Variants in PIGU observed in about 807,000 individuals in gnomAD.
PIGU encodes the protein phosphatidylinositol glycan anchor biosynthesis class U, also known as GPI-anchor transamidase component PIGU.
A neutral mutation model predicts 49.9 loss-of-function variants in PIGU; 24 were observed. That is an observed-to-expected ratio of 0.48 (90% CI 0.35 to 0.68). The LOEUF is 0.68. Among genes scored for constraint, PIGU ranks in the 30% least tolerant of loss-of-function variants. PIGU has a pLI of 0.01. For missense variants in PIGU, 490 were observed against 532.6 expected (o/e 0.92, Z 0.79); for synonymous variants, 220 against 205.7 (o/e 1.07, Z -0.59).
At chr20:34,643,568 T>C (rs1029110228) in intron 4 of PIGU, 3 of 152,370 alleles carry the variant, frequency 2.0e-5, no homozygotes, top group African/African-American at 7.2e-5. Context: ...GTAGTACACA[T>C]GGTTAATCTG....
intron 5 of PIGU, 36 bp downstream of exon 5, chr20:34,637,839 TG>T: frequency 6.3e-7 from 1 of 1,596,000 alleles, no homozygotes; most frequent in Non-Finnish European, 8.5e-7. Context: ...TCCTCGCATT[TG>T]TTGGCACTAA....
At chr20:34,638,496 C>T (rs889910724) in intron 4 of PIGU, among the ~76,000 whole-genome samples, 1 of 152,168 alleles carries the variant, frequency 6.6e-6, no homozygotes, top group South Asian at 2.1e-4. Flanking sequence ...AGTGGACAAA[C>T]AATAAATATC....
chr20:34,643,964 G>C (rs1986247804), intron 4 of PIGU, 200 bp downstream of exon 4: 2 of 459,258 alleles, frequency 4.4e-6, no homozygotes, highest in South Asian at 2.9e-5. Flanking sequence ...AGATGAAGCT[G>C]GCCCTTCTTT....
chr20:34,667,205 A>G (rs1987131590), intron 1 of PIGU, among the ~76,000 whole-genome samples: 1 of 152,184 alleles, frequency 6.6e-6, no homozygotes, highest in Admixed American at 6.6e-5. Flanking sequence ...ATCATCCTGT[A>G]TAAGACAAAT....
chr20:34,624,810 T>A (rs1424025950), intron 6 of PIGU, among the ~76,000 whole-genome samples: 2 of 152,086 alleles, frequency 1.3e-5, no homozygotes, highest in Non-Finnish European at 2.9e-5. Context: ...AATAAGGACA[T>A]CACAATACAA....
intron 7 of PIGU, among the ~76,000 whole-genome samples, chr20:34,611,701 C>T (rs1306737866): frequency 2.1e-5 from 3 of 140,456 alleles, no homozygotes; most frequent in African/African-American, 7.9e-5. Flanking sequence ...AAAAAGTGGG[C>T]AAAGGATATG....
chr20:34,669,540 A>G (rs1404418227), intron 1 of PIGU, among the ~76,000 whole-genome samples: 2 of 151,754 alleles, frequency 1.3e-5, no homozygotes, highest in African/African-American at 2.4e-5. Flanking sequence ...GGTGGCACAC[A>G]CCTGTAATCC....
At chr20:34,582,437 C>T (rs559971070) in intron 9 of PIGU, among the ~76,000 whole-genome samples, 44 of 152,040 alleles carry the variant, frequency 2.9e-4, no homozygotes, top group Admixed American at 7.2e-4. Flanking sequence ...CCTAGCACTT[C>T]GGGAGGCTGA....
intron 7 of PIGU, among the ~76,000 whole-genome samples, chr20:34,595,095 C>CAAAAAAAAAAAAA (rs71194627): frequency 7.0e-5 from 5 of 71,330 alleles, no homozygotes; most frequent in Non-Finnish European, 7.4e-5. Flanking sequence ...GACTCCGTCT[C>CAAAAAAAAAAAAA]AAAAAAAAAA....
At chr20:34,641,754 A>C (rs1269770205) in intron 4 of PIGU, among the ~76,000 whole-genome samples, 3 of 152,230 alleles carry the variant, frequency 2.0e-5, no homozygotes, top group Non-Finnish European at 4.4e-5. Context: ...CAAAGGGAAG[A>C]AGATTTAGAG....
intron 6 of PIGU, among the ~76,000 whole-genome samples, chr20:34,624,979 G>A (rs1202976380): frequency 6.6e-6 from 1 of 152,206 alleles, no homozygotes; most frequent in Non-Finnish European, 1.5e-5. Context: ...GAAGTCTGGG[G>A]AGCATTGCTA....
At chr20:34,581,867 G>A (rs562994118) in intron 9 of PIGU, among the ~76,000 whole-genome samples, 195 bp from the exon 10 acceptor site, 2 of 152,364 alleles carry the variant, frequency 1.3e-5, no homozygotes, top group Admixed American at 1.3e-4. Context: ...AATACCCAGA[G>A]GTGGTGAGGA....
At position 34,645,076 on chromosome 20, in the gene PIGU, G is replaced by A. The variant is rs578008059; in HGVS notation, c.255+199C>T. Among the ~76,000 whole-genome samples the A allele has an allele frequency of 2.0e-4, 30 of 150,784 alleles. 1 individual carries two copies. The highest frequency in any genetic ancestry group is 7.3e-4 in the Admixed American group (11 of 15,112). ...TTTCTTAAACACAAGATGACAAGCCGGGCACTGTGTCATGTGTCCATAGTC... is the reference window on the plus strand; with the variant it reads ...TTTCTTAAACACAAGATGACAAGCCAGGCACTGTGTCATGTGTCCATAGTC... On this transcript the variant is annotated intron_variant, in intron 3 of 11. Transcript: ENST00000217446.
chr20:34,570,924 C>G (rs1012873879), intron 11 of PIGU, among the ~76,000 whole-genome samples: 1 of 152,188 alleles, frequency 6.6e-6, no homozygotes, highest in Non-Finnish European at 1.5e-5. Flanking sequence ...GGTTCATGGA[C>G]TGTCTCTCCA....
chr20:34,615,088 C>T (rs1984957675), intron 7 of PIGU, among the ~76,000 whole-genome samples: 1 of 152,208 alleles, frequency 6.6e-6, no homozygotes, highest in African/African-American at 2.4e-5. Context: ...GTCCTGTGAC[C>T]TTAAGTGACT....
At chr20:34,612,285 A>G (rs149930704) in intron 7 of PIGU, among the ~76,000 whole-genome samples, 4 of 152,290 alleles carry the variant, frequency 2.6e-5, no homozygotes, top group Admixed American at 2.6e-4. Context: ...GTTCTTACTC[A>G]TAAGTGGGAG....
intron 7 of PIGU, among the ~76,000 whole-genome samples, chr20:34,615,485 T>C (rs1350527544): frequency 6.6e-6 from 1 of 152,236 alleles, no homozygotes; most frequent in Non-Finnish European, 1.5e-5. Context: ...TAAAATGCAC[T>C]TATACATTCC....
intron 3 of PIGU, 110 bp downstream of exon 3, chr20:34,645,165 G>C: frequency 1.5e-5 from 18 of 1,221,730 alleles, no homozygotes; most frequent in Non-Finnish European, 1.9e-5. Context: ...ACCAGCCTGG[G>C]CAACACAGTG....
At chr20:34,584,855 T>G (rs1983634781) in intron 9 of PIGU, among the ~76,000 whole-genome samples, 1 of 152,072 alleles carries the variant, frequency 6.6e-6, no homozygotes, top group Non-Finnish European at 1.5e-5. Flanking sequence ...ACCTGGCAAA[T>G]TTTTGTATTT....
Sources: allele counts gnomAD v4.1 joint callset (sites outside exome capture counted in the v4.1 genomes callset), GRCh38; gene constraint gnomAD v4.1.1; transcripts MANE v1.5; gene names NCBI Gene and HGNC (gene_info 2026-07-23, HGNC 2026-07-21).